CPLANE1: variants seen among roughly 807,000 people sequenced by gnomAD.
CPLANE1 encodes ciliogenesis and planar polarity effector 1.
CPLANE1 carries 263 observed loss-of-function variants against 362.5 expected under a neutral mutation model. The ratio of observed to expected loss-of-function variants is 0.73; its 90% CI spans 0.66 to 0.80. CPLANE1 has a LOEUF of 0.80. Ranked by LOEUF, CPLANE1 falls within the 30% of genes least tolerant of loss-of-function variation. CPLANE1 has a pLI of 0.00. For synonymous variants in CPLANE1, 1,212 were observed against 1,302.6 expected, an observed-to-expected ratio of 0.93 and a Z score of 1.50; for missense variants, 3,461 against 3,793.4, an observed-to-expected ratio of 0.91 and a Z score of 2.30.
chr5:37,125,368 T>C lies in CPLANE1; in HGVS notation c.8834A>G (p.Lys2945Arg), dbSNP rs774142742. 6.2e-7 allele frequency: 1 copy of C among 1,613,686 alleles called. No homozygotes were observed. The highest frequency in any genetic ancestry group is 8.5e-7 in the Non-Finnish European group (1 of 1,179,912). ...YSGRHSQRTD[K>R]ERREIQAWMK... ...CCAGGCTTGAATCTCTCTTCTTTCC[T>C]TGTCAGTTCTTTGTGAATGTCTGCC... Residue 2945 changes from lysine (K) to arginine (R), a missense_variant, in exon 47 of 53, where the codon AAG (lysine) becomes AGG (arginine). This residue lies in a region of CPLANE1 where 3,380 missense variants were observed against 3,666.1 expected (regional missense o/e 0.92). Transcript: ENST00000651892.
At chr5:37,230,381 T>C (rs1018141914) in intron 9 of CPLANE1, among the ~76,000 whole-genome samples, 8 of 152,038 alleles carry the variant, frequency 5.3e-5, no homozygotes, top group Non-Finnish European at 8.8e-5. Context: ...ATATCACATG[T>C]ATCCCATAAA....
Position 37,198,836 on chromosome 5 carries a change from C to T in CPLANE1, c.3538G>A (p.Glu1180Lys). The change falls in exon 20 of 53, where the codon GAA becomes AAA. Residue 1180 changes from glutamate (E) to lysine (K), a missense_variant. By Grantham distance (56) the Glu-to-Lys change is moderately conservative. Transcript: ENST00000651892. ...EDGDDLLLKAEKNNRQKVSGI... is the reference protein window; with the variant it reads ...EDGDDLLLKAKKNNRQKVSGI... ...GATACCTTCTGGCGATTATTTTTTTCAGCTTTTAAAAGAAGATCATCACCA... is the reference window on the plus strand; with the variant it reads ...GATACCTTCTGGCGATTATTTTTTTTAGCTTTTAAAAGAAGATCATCACCA... The T allele has an allele frequency of 1.2e-6, 2 of 1,613,918 alleles. No individual in the cohort carries two copies. Among genetic ancestry groups the T allele is most frequent in the Non-Finnish European group, 1.7e-6 (2 of 1,179,966 alleles).
rs1781056089 is a variant in CPLANE1 at position 37,175,967 on chromosome 5, G to A, written c.5920C>T (p.His1974Tyr). Reference protein sequence around the residue: ...EQKGMIEAFSHPGHTTPQSMQ... With the variant: ...EQKGMIEAFSYPGHTTPQSMQ... ...GATTGAGGAGTGGTATGCCCAGGAT[G>A]TGAAAAGGCTTCGATCATACTATCA... Residue 1974 changes from histidine to tyrosine, a missense_variant, in exon 31 of 53, where the codon CAT (histidine) becomes TAT (tyrosine). By Grantham distance (83) the His-to-Tyr change is moderately conservative (BLOSUM62 2). This residue lies in a region of CPLANE1 where 3,380 missense variants were observed against 3,666.1 expected (regional missense o/e 0.92). Transcript: ENST00000651892. 1.2e-6 allele frequency: 2 copies of A among 1,612,456 alleles called. No individual in the cohort carries two copies. Among genetic ancestry groups the A allele is most frequent in the South Asian group, 2.2e-5 (2 of 90,924 alleles).
intron 43 of CPLANE1, among the ~76,000 whole-genome samples, chr5:37,147,685 G>T (rs1271327156): frequency 6.6e-6 from 1 of 152,012 alleles, no homozygotes; most frequent in Non-Finnish European, 1.5e-5. Context: ...ATGAGAAAGA[G>T]AACACAGGTA....
chr5:37,151,420 T>C (rs1216211108), intron 42 of CPLANE1, among the ~76,000 whole-genome samples: 1 of 152,180 alleles, frequency 6.6e-6, no homozygotes, highest in South Asian at 2.1e-4. Context: ...GGTATATACA[T>C]CTATCTTCTT....
At chr5:37,200,962 T>C (rs1789004903) in intron 19 of CPLANE1, among the ~76,000 whole-genome samples, 1 of 152,190 alleles carries the variant, frequency 6.6e-6, no homozygotes, top group Non-Finnish European at 1.5e-5. Flanking sequence ...TAGCTGAGAC[T>C]ACAGGCACAT....
chr5:37,107,687 C>CTG lies in CPLANE1; in HGVS notation c.9669_9670dup (p.Ser3224ThrfsTer49), dbSNP rs558119860. ...TTCGATGGCATTCCAGTCCAGCTTG[C>CTG]TGAGGATGCTGCCAGTGCTCTCAGA... On this transcript the variant is annotated frameshift_variant, in exon 53 of 53. Transcript: ENST00000651892. LOFTEE classifies it high-confidence loss of function. The CTG allele has an allele frequency of 3.1e-6, 5 of 1,611,706 alleles. No individual in the cohort carries two copies. Among genetic ancestry groups the CTG allele is most frequent in the Non-Finnish European group, 4.2e-6 (5 of 1,179,076 alleles).
chr5:37,079,269 AC>A, the CPLANE1 span, among the ~76,000 whole-genome samples: 5 of 152,168 alleles, frequency 3.3e-5, no homozygotes, highest in African/African-American at 1.2e-4. Context: ...TTTTCTGCAT[AC>A]GGCTAGCCAG....
rs773486378 is a variant in CPLANE1, at chr5:37,169,509, T to C, written c.6515A>G (p.Lys2172Arg). The change falls in exon 34 of 53, where the codon AAA becomes AGA. Residue 2172 changes from lysine to arginine, a missense_variant. This residue lies in a region of CPLANE1 where 3,380 missense variants were observed against 3,666.1 expected (regional missense o/e 0.92). Coordinates refer to ENST00000651892, the MANE Select transcript of CPLANE1 (RefSeq NM_001384732.1). ...TTGAGATGATGGAATTGGTCCTTTTTTCCGGGGCTGGCCATTTAATTGACA... is the reference window on the plus strand; with the variant it reads ...TTGAGATGATGGAATTGGTCCTTTTCTCCGGGGCTGGCCATTTAATTGACA... ...PLCQLNGQPR[K>R]KGPIPSSQNL... is the part of the protein sequence containing the mutation. 1 of 1,613,922 alleles carries C rather than the reference T, an allele frequency of 6.2e-7. No homozygotes were observed. The highest frequency in any genetic ancestry group is 2.2e-5 in the East Asian group (1 of 44,874).
chr5:37,147,708 A>G (rs1222363500), intron 43 of CPLANE1, among the ~76,000 whole-genome samples: 1 of 152,178 alleles, frequency 6.6e-6, no homozygotes, highest in Non-Finnish European at 1.5e-5. Flanking sequence ...AACCACAGAC[A>G]CAGCAGAAGG....
At chr5:37,119,943 C>T (rs952366087) in intron 50 of CPLANE1, among the ~76,000 whole-genome samples, 1 of 151,020 alleles carries the variant, frequency 6.6e-6, no homozygotes, top group African/African-American at 2.4e-5. Flanking sequence ...GCCAAGATCT[C>T]GCCACTGCAC....
At chr5:37,111,707 T>C (rs1189107174) in intron 51 of CPLANE1, among the ~76,000 whole-genome samples, 1 of 152,168 alleles carries the variant, frequency 6.6e-6, no homozygotes, top group Non-Finnish European at 1.5e-5. Flanking sequence ...TATGCTCTAG[T>C]TGAAAAGGTT....
rs749992728 is a variant in CPLANE1 at position 37,157,351 on chromosome 5, A to G, written c.8081T>C (p.Val2694Ala). 2.9e-6 allele frequency: 4 copies of G among 1,386,672 alleles called. No homozygotes were observed. In the Admixed American group the frequency reaches 7.5e-5, roughly 26 times the overall value. The allele number at this position is 1,386,672 out of a possible 1,614,324, so 85.9% of individuals were successfully genotyped here. A position where few individuals can be genotyped will look rare whatever the true frequency, so the allele number is the denominator to read the frequency against. ...TATGTCTGATGGTGTAGGTGAGGTG[A>G]CACTAGGCTCCTTCACTTCTGTAAT... ...AGITEVKEPS[V>A]TSPTPSDIQQ... Residue 2694 changes from valine (V) to alanine (A), a missense_variant, in exon 41 of 53, where the codon GTC becomes GCC. Coordinates refer to ENST00000651892, the MANE Select transcript of CPLANE1 (RefSeq NM_001384732.1).
In CPLANE1 at chr5:37,177,668, T is replaced by G; in HGVS notation, c.5853A>C (p.Glu1951Asp). The G allele has an allele frequency of 1.9e-6, 3 of 1,613,990 alleles. No individual in the cohort carries two copies. Among genetic ancestry groups the G allele is most frequent in the Non-Finnish European group, 2.5e-6 (3 of 1,179,902 alleles). ...CCTCCATAATTGTCTCCAGTGGTTC[T>G]TCCCTTTGACACTGAACCTCTTCTG... Reference protein sequence around the residue: ...EFTEEVQCQREEPLETIMEEK... With the variant: ...EFTEEVQCQRDEPLETIMEEK... Residue 1951 changes from glutamate (E) to aspartate (D), a missense_variant, in exon 30 of 53, where the codon GAA (glutamate) becomes GAC (aspartate). Physicochemically the swap from Glu to Asp is conservative, Grantham distance 45 (BLOSUM62 2). Transcript: ENST00000651892.
intron 41 of CPLANE1, 67 bp downstream of exon 41, chr5:37,157,246 T>C (rs1014926953): frequency 1.0e-6 from 1 of 978,826 alleles, no homozygotes; most frequent in African/African-American, 1.7e-5. Context: ...ATTACCAAAT[T>C]TTGGTGCTTG....
At chr5:37,240,956 T>A (rs1300216600) in intron 6 of CPLANE1, among the ~76,000 whole-genome samples, 1 of 150,846 alleles carries the variant, frequency 6.6e-6, no homozygotes, top group Non-Finnish European at 1.5e-5. Context: ...GCCAATATGG[T>A]GAAACCCCAT....
chr5:37,123,727 T>C (rs1763334885), intron 47 of CPLANE1, among the ~76,000 whole-genome samples: 1 of 152,182 alleles, frequency 6.6e-6, no homozygotes, highest in Admixed American at 6.5e-5. Flanking sequence ...GGTCTCACTA[T>C]GTTGCCTAGG....
At chr5:37,221,232 T>C in intron 15 of CPLANE1, 92 bp downstream of exon 15, 2 of 730,370 alleles carry the variant, frequency 2.7e-6, no homozygotes, top group Non-Finnish European at 4.3e-6. Flanking sequence ...GGTAGAAGGA[T>C]TACTTGAGCT....
chr5:37,216,017 G>A (rs1232357126), intron 15 of CPLANE1, among the ~76,000 whole-genome samples: 1 of 150,918 alleles, frequency 6.6e-6, no homozygotes, highest in Non-Finnish European at 1.5e-5. Flanking sequence ...GTATTTTTTT[G>A]GTCAAGATGG....
Sources: allele counts gnomAD v4.1 joint callset (sites outside exome capture counted in the v4.1 genomes callset), GRCh38; gene constraint gnomAD v4.1.1; regional missense constraint gnomAD v4.1.1; transcripts MANE v1.5; gene names NCBI Gene and HGNC (gene_info 2026-07-23, HGNC 2026-07-21).